The following PTHLH variants were observed in gnomAD, a reference collection of about 807,000 sequenced individuals.
The protein encoded by PTHLH is parathyroid hormone like hormone, also known as parathyroid hormone-related protein.
A neutral mutation model predicts 18.6 loss-of-function variants in PTHLH; 5 were observed. That is an observed-to-expected ratio of 0.27 (90% CI 0.14 to 0.56). PTHLH has a LOEUF of 0.56. Ranked by LOEUF, PTHLH falls within the 20% of genes least tolerant of loss-of-function variation. The pLI is 0.92. For missense variants in PTHLH, 207 were observed against 223.9 expected (o/e 0.92, Z 0.48); for synonymous variants, 90 against 94.0 (o/e 0.96, Z 0.25).
rs1369799641 is a variant in PTHLH at position 27,963,631 on chromosome 12, T to C, written c.241A>G (p.Asn81Asp). The C allele has an allele frequency of 3.1e-6, 5 of 1,613,976 alleles. No homozygotes were observed. Among genetic ancestry groups the C allele is most frequent in the Admixed American group, 3.3e-5 (2 of 59,994 alleles). The change falls in exon 5 of 6, where the codon AAC becomes GAC. Residue 81 changes from asparagine to aspartate, a missense_variant. Physicochemically the swap from Asn to Asp is conservative, Grantham distance 23 (BLOSUM62 1). Transcript: ENST00000545234. ...TTTGTGTTGGGAGAGGGCTTGGAGT[T>C]AGGGGACACCTCCGAGGTAGCTCTG... ...EIRATSEVSP[N>D]SKPSPNTKNH...
intron 4 of PTHLH, among the ~76,000 whole-genome samples, chr12:27,964,824 T>C (rs1322339752): frequency 6.6e-6 from 1 of 152,192 alleles, no homozygotes; most frequent in Non-Finnish European, 1.5e-5. Flanking sequence ...AAATGTCCAT[T>C]GTGTATTCTT....
At chr12:27,966,793 T>TA (rs539541098) in intron 4 of PTHLH, among the ~76,000 whole-genome samples, 33 of 150,152 alleles carry the variant, frequency 2.2e-4, no homozygotes, top group African/African-American at 3.4e-4. Flanking sequence ...TCTTCTCCTT[T>TA]AAAAAAAAAA....
intron 4 of PTHLH, among the ~76,000 whole-genome samples, chr12:27,968,028 A>C (rs1478146263): frequency 6.6e-6 from 1 of 152,242 alleles, no homozygotes; most frequent in Non-Finnish European, 1.5e-5. Context: ...TGCTTTTAAA[A>C]ATTCAGTCTT....
In PTHLH at chr12:27,961,361, C is replaced by CTAGA. The variant is rs1324714715; in HGVS notation, c.524+1983_524+1986dup. ...TTTTGCCTCATAGAAACATATCCCC[C>CTAGA]TAGATAGATAGATAGATATAAATAG... On this transcript the variant is annotated intron_variant, in intron 5 of 5. Coordinates refer to ENST00000545234, the MANE Select transcript of PTHLH (RefSeq NM_198965.2). Among the ~76,000 whole-genome samples the CTAGA allele has an allele frequency of 1.1e-4, 10 of 93,978 alleles. No homozygotes were observed. The South Asian group carries it at 2.9e-3, about 27-fold the overall frequency. 61.7% of individuals were successfully genotyped at this position (93,978 alleles called of 152,430 possible). A position where few individuals can be genotyped will look rare whatever the true frequency, so the allele number is the denominator to read the frequency against.
At chr12:27,959,548 C>A (rs2062737132) in intron 5 of PTHLH, among the ~76,000 whole-genome samples, 1 of 152,092 alleles carries the variant, frequency 6.6e-6, no homozygotes, top group Non-Finnish European at 1.5e-5. Flanking sequence ...AAGGAAACAA[C>A]TACAGAATGG....
At chr12:27,972,408 C>T (rs2120690045) in intron 1 of PTHLH, 115 bp downstream of exon 1, 1 of 152,210 alleles carries the variant, frequency 6.6e-6, no homozygotes, top group Admixed American at 6.5e-5. Flanking sequence ...AAACATCTAT[C>T]AAATATTTTT....
rs1555124114 is a variant in PTHLH at position 27,961,309 on chromosome 12, A to ATATATACGTATATATATACG, written c.524+2038_524+2039insCGTATATATATACGTATATA. 1.1e-4 allele frequency among the ~76,000 whole-genome samples: 8 copies of ATATATACGTATATATATACG among 75,358 alleles called. 1 individual carries two copies. The highest frequency in any genetic ancestry group is 2.8e-4 in the African/African-American group (7 of 25,100). The allele number at this position is 75,358 out of a possible 152,430, so 49.4% of individuals were successfully genotyped here. A position where few individuals can be genotyped will look rare whatever the true frequency, so the allele number is the denominator to read the frequency against. On this transcript the variant is annotated intron_variant, in intron 5 of 5. Coordinates refer to ENST00000545234, the MANE Select transcript of PTHLH (RefSeq NM_198965.2). ...TACGTATATATATATACGTATATATATATATATATATACGTATATATATAC... is the reference window on the plus strand; with the variant it reads ...TACGTATATATATATACGTATATATATATATACGTATATATATACGTATATATATATACGTATATATATAC...
intron 4 of PTHLH, chr12:27,969,174 A>C: frequency 1.7e-6 from 1 of 583,298 alleles, no homozygotes; most frequent in Non-Finnish European, 3.1e-6. Flanking sequence ...AAACACACAT[A>C]AAGTCTCTCT....
Position 27,963,370 on chromosome 12 carries a change from T to C in PTHLH, c.502A>G (p.Thr168Ala), listed in dbSNP as rs1418587281. The C allele has an allele frequency of 1.9e-6, 3 of 1,614,046 alleles. No individual in the cohort carries two copies. The highest frequency in any genetic ancestry group is 1.7e-5 in the Admixed American group (1 of 59,994). ...EGDHLSDTST[T>A]SLELDSRRH Reference sequence around the variant, plus strand: ...TACCGTGAATCGAGCTCCAGCGACGTTGTGGAGGTGTCAGACAGGTGGTCC... The same window carrying C: ...TACCGTGAATCGAGCTCCAGCGACGCTGTGGAGGTGTCAGACAGGTGGTCC... The change falls in exon 5 of 6, where the codon ACG becomes GCG. Residue 168 changes from threonine to alanine, a missense_variant. Transcript: ENST00000545234.
Position 27,963,100 on chromosome 12 carries a change from T to C in PTHLH, c.524+248A>G, listed in dbSNP as rs1334411400. Reference sequence around the variant, plus strand: ...AGAGTGGTAAAGGATTGATGTTGGGTGACGGTGGAGAAAGAGGAATGGGCT... The same window carrying C: ...AGAGTGGTAAAGGATTGATGTTGGGCGACGGTGGAGAAAGAGGAATGGGCT... On this transcript the variant is annotated intron_variant, in intron 5 of 5. Transcript: ENST00000545234. 4 of 1,401,426 alleles carry C rather than the reference T, an allele frequency of 2.9e-6. No homozygotes were observed. The African/African-American group carries it at 4.3e-5, about 15-fold the overall frequency. The allele number at this position is 1,401,426 out of a possible 1,614,324, so 86.8% of individuals were successfully genotyped here. A position where few individuals can be genotyped will look rare whatever the true frequency, so the allele number is the denominator to read the frequency against.
At chr12:27,963,823 T>C (rs946948096) in intron 4 of PTHLH, 53 bp from the exon 5 acceptor site, 70 of 1,560,928 alleles carry the variant, frequency 4.5e-5, no homozygotes, top group Non-Finnish European at 5.9e-5. Context: ...TAGTTGCTGA[T>C]AGAGACAACA....
intron 2 of PTHLH, among the ~76,000 whole-genome samples, chr12:27,970,572 T>C (rs2120679851): frequency 6.6e-6 from 1 of 151,974 alleles, no homozygotes; most frequent in South Asian, 2.1e-4. Flanking sequence ...CGCATCCGCT[T>C]GCTCCCTCCA....
At chr12:27,965,002 A>G (rs940991519) in intron 4 of PTHLH, among the ~76,000 whole-genome samples, 11 of 152,216 alleles carry the variant, frequency 7.2e-5, no homozygotes, top group African/African-American at 2.4e-4. Context: ...GCTACATCCC[A>G]TGTACTCTTA....
chr12:27,971,147 C>T (rs2062868924), intron 2 of PTHLH, among the ~76,000 whole-genome samples: 1 of 151,888 alleles, frequency 6.6e-6, no homozygotes, highest in Non-Finnish European at 1.5e-5. Flanking sequence ...ACCTGCTTGT[C>T]CCCTCCCCCT....
chr12:27,964,682 CTT>C (rs1434921540), intron 4 of PTHLH, among the ~76,000 whole-genome samples: 3 of 151,932 alleles, frequency 2.0e-5, no homozygotes, highest in South Asian at 4.2e-4. Flanking sequence ...TACTTGCTCT[CTT>C]TGTCTTAAAA....
chr12:27,970,535 G>C (rs2062862211), intron 2 of PTHLH, among the ~76,000 whole-genome samples: 1 of 151,790 alleles, frequency 6.6e-6, no homozygotes, highest in South Asian at 2.1e-4. Context: ...GGGCCCTGTC[G>C]CGCCATCCCC....
rs748228598 is a variant in PTHLH, at chr12:27,970,008, C to T, written c.-23+17G>A. On this transcript the variant is annotated intron_variant, in intron 3 of 5. Transcript: ENST00000545234. The stretch of plus-strand genomic sequence containing the variant: ...TTGTAGCGAAACCCACATATATATA[C>T]ATAGCTGTCTGTCTACCTCCTCTGG... 3.9e-6 allele frequency: 2 copies of T among 519,060 alleles called. No homozygotes were observed. Among genetic ancestry groups the T allele is most frequent in the Non-Finnish European group, 3.8e-6 (1 of 259,890 alleles). 32.2% of individuals were successfully genotyped at this position (519,060 alleles called of 1,614,324 possible).
intron 5 of PTHLH, 89 bp from the exon 6 acceptor site, chr12:27,958,657 G>T: frequency 7.8e-7 from 1 of 1,280,210 alleles, no homozygotes; most frequent in Non-Finnish European, 1.1e-6. Context: ...TATAAGCTAA[G>T]GAATGCAAAA....
chr12:27,965,389 T>C (rs2062803713), intron 4 of PTHLH, among the ~76,000 whole-genome samples: 1 of 152,204 alleles, frequency 6.6e-6, no homozygotes, highest in Admixed American at 6.5e-5. Flanking sequence ...AATAGGCAGA[T>C]TGGACAGAAA....
Sources: gnomAD v4.1 joint callset for allele counts (sites outside exome capture counted in the v4.1 genomes callset) on GRCh38, gnomAD v4.1.1 for gene constraint, MANE v1.5 for transcripts, NCBI Gene and HGNC (gene_info 2026-07-23, HGNC 2026-07-21) for gene names.